Variants in LRRTM4 observed in about 807,000 individuals in gnomAD.
The protein encoded by LRRTM4 is leucine rich repeat transmembrane neuronal 4, also known as leucine-rich repeat transmembrane neuronal protein 4.
A neutral mutation model predicts 47.6 loss-of-function variants in LRRTM4; 25 were observed. The ratio of observed to expected loss-of-function variants is 0.53; its 90% CI spans 0.38 to 0.73. The LOEUF (loss-of-function observed/expected upper bound fraction) is 0.73. Among genes scored for constraint, LRRTM4 ranks in the 30% least tolerant of loss-of-function variants. The pLI, the probability that LRRTM4 is intolerant of heterozygous loss-of-function variation, is 0.00. For missense variants in LRRTM4, 638 were observed against 713.4 expected, an observed-to-expected ratio of 0.89 and a Z score of 1.20; for synonymous variants, 311 against 269.5, an observed-to-expected ratio of 1.15 and a Z score of -1.51.
intron 3 of LRRTM4, among the ~76,000 whole-genome samples, chr2:76,899,091 C>T (rs568398452): frequency 1.3e-5 from 2 of 151,978 alleles, no homozygotes; most frequent in South Asian, 2.1e-4. Context: ...TCTTATGTAA[C>T]TCCTTACATC....
intron 3 of LRRTM4, among the ~76,000 whole-genome samples, chr2:77,279,232 A>T (rs1289831130): frequency 1.3e-5 from 2 of 152,070 alleles, no homozygotes; most frequent in African/African-American, 4.8e-5. Context: ...CTTTCCGTGG[A>T]CCTACTAAAT....
intron 3 of LRRTM4, among the ~76,000 whole-genome samples, chr2:77,257,717 AACAC>A (rs57315997): frequency 0.086 from 12,695 of 146,838 alleles, 1,229 homozygotes; most frequent in African/African-American, 0.25. Flanking sequence ...TTAAAAATAC[AACAC>A]ACACACACAC....
chr2:77,081,459 T>TA (rs200124926), intron 3 of LRRTM4, among the ~76,000 whole-genome samples: 3 of 151,888 alleles, frequency 2.0e-5, no homozygotes, highest in Non-Finnish European at 4.4e-5. Flanking sequence ...GAAAATGAAA[T>TA]AAAAATCACT....
Position 77,362,115 on chromosome 2 carries a change from GAGAAAGAA to G in LRRTM4, c.1551+156195_1551+156202del, listed in dbSNP as rs1230993221. Among the ~76,000 whole-genome samples, 771 of 98,822 alleles carry G rather than the reference GAGAAAGAA, an allele frequency of 7.8e-3. 12 individuals carry two copies. The highest frequency in any genetic ancestry group is 0.013 in the African/African-American group (267 of 21,206). 64.8% of individuals were successfully genotyped at this position (98,822 alleles called of 152,430 possible). A position where few individuals can be genotyped will look rare whatever the true frequency, so the allele number is the denominator to read the frequency against. On this transcript the variant is annotated intron_variant, in intron 3 of 3. Coordinates refer to ENST00000409884, the MANE Select transcript of LRRTM4 (RefSeq NM_001134745.3). ...AAAAGGAAAAGGAAAGAAAGAAAGA[GAGAAAGAA>G]AGAAAGAAAGAAAGAAAGAAAGAAA...
chr2:77,500,184 C>A (rs747304949), intron 3 of LRRTM4, among the ~76,000 whole-genome samples: 4 of 151,616 alleles, frequency 2.6e-5, no homozygotes, highest in Non-Finnish European at 4.4e-5. Flanking sequence ...ACCAAATCAC[C>A]CACAGTAAGG....
intron 3 of LRRTM4, among the ~76,000 whole-genome samples, chr2:76,958,114 G>A (rs1208302852): frequency 6.6e-6 from 1 of 151,596 alleles, no homozygotes; most frequent in Non-Finnish European, 1.5e-5. Flanking sequence ...AAAATTCCAT[G>A]GAATACAACA....
At chr2:76,857,308 TAATA>T (rs2103994799) in intron 3 of LRRTM4, among the ~76,000 whole-genome samples, 2 of 148,088 alleles carry the variant, frequency 1.4e-5, no homozygotes, top group South Asian at 4.2e-4. Flanking sequence ...ACAGTATATA[TAATA>T]TATATATAAT....
Position 77,519,279 on chromosome 2 carries a change from G to C in LRRTM4, c.590C>G (p.Ser197Cys). Residue 197 changes from serine (S) to cysteine (C), a missense_variant, in exon 3 of 4, where the codon TCC becomes TGC. Physicochemically the swap from Ser to Cys is moderately radical, Grantham distance 112. Coordinates refer to ENST00000409884, the MANE Select transcript of LRRTM4 (RefSeq NM_001134745.3). This position sits in a 1 kb window ranked among gnomAD's most constrained non-coding sequence, Gnocchi z 4.6. ...CAAGAGGCCAGCAAATGCATTTCGGGACAAGCTTCGAAGACGATTGTAACC... is the reference window on the plus strand; with the variant it reads ...CAAGAGGCCAGCAAATGCATTTCGGCACAAGCTTCGAAGACGATTGTAACC... ...DLGYNRLRSLSRNAFAGLLKL... is the reference protein window; with the variant it reads ...DLGYNRLRSLCRNAFAGLLKL... 2 of 1,613,420 alleles carry C rather than the reference G, an allele frequency of 1.2e-6. No homozygotes were observed. The highest frequency in any genetic ancestry group is 1.7e-6 in the Non-Finnish European group (2 of 1,179,582).
At chr2:77,362,052 G>A (rs1453615128) in intron 3 of LRRTM4, among the ~76,000 whole-genome samples, 1 of 150,874 alleles carries the variant, frequency 6.6e-6, no homozygotes, top group East Asian at 2.0e-4. Context: ...TCACACCACT[G>A]CACTCCAGCC....
intron 3 of LRRTM4, among the ~76,000 whole-genome samples, chr2:77,113,918 C>CG (rs1558586758): frequency 6.6e-6 from 1 of 152,042 alleles, no homozygotes; most frequent in Non-Finnish European, 1.5e-5. Context: ...CTGTCCTATT[C>CG]GGGGCCGCGG....
chr2:77,161,023 G>A (rs1230049260), intron 3 of LRRTM4, among the ~76,000 whole-genome samples: 5 of 152,124 alleles, frequency 3.3e-5, no homozygotes, highest in Admixed American at 6.6e-5. Context: ...CTTAGATCAT[G>A]CAGACCCCCT....
intron 3 of LRRTM4, among the ~76,000 whole-genome samples, chr2:76,937,397 A>G (rs907073087): frequency 6.6e-6 from 1 of 152,168 alleles, no homozygotes; most frequent in African/African-American, 2.4e-5. Context: ...CAATGATGTG[A>G]TGGGAAATTG....
intron 3 of LRRTM4, among the ~76,000 whole-genome samples, chr2:76,932,976 A>G (rs1427781454): frequency 1.3e-5 from 2 of 152,152 alleles, no homozygotes; most frequent in African/African-American, 2.4e-5. Context: ...GTATGAAATG[A>G]TAAACTTTCA....
intron 3 of LRRTM4, among the ~76,000 whole-genome samples, chr2:77,389,392 A>C (rs1673414232): frequency 6.6e-6 from 1 of 152,134 alleles, no homozygotes; most frequent in South Asian, 2.1e-4. Context: ...CCAAAGATAA[A>C]GCTAAATAAG....
At chr2:76,770,208 T>C (rs915524756) in intron 3 of LRRTM4, among the ~76,000 whole-genome samples, 1 of 152,218 alleles carries the variant, frequency 6.6e-6, no homozygotes, top group Admixed American at 6.5e-5. Flanking sequence ...GGATTAATAA[T>C]ATAATACATG....
intron 3 of LRRTM4, chr2:77,517,977 A>C: frequency 9.7e-7 from 1 of 1,030,940 alleles, no homozygotes; most frequent in Non-Finnish European, 1.2e-6. Flanking sequence ...AACACCAAGA[A>C]CCAGACAGAA....
intron 3 of LRRTM4, among the ~76,000 whole-genome samples, chr2:77,075,902 G>C (rs12623624): frequency 1.2e-5 from 1 of 82,206 alleles, no homozygotes; most frequent in African/African-American, 6.0e-5. Flanking sequence ...GCGACAGAGC[G>C]AGACTCCGTC....
At chr2:76,777,353 A>G (rs1360614741) in intron 3 of LRRTM4, among the ~76,000 whole-genome samples, 1 of 141,772 alleles carries the variant, frequency 7.1e-6, no homozygotes, top group Non-Finnish European at 1.5e-5. Context: ...CTTGGGCAGT[A>G]TGGCCATTTT....
chr2:77,213,467 T>C (rs566594442), intron 3 of LRRTM4, among the ~76,000 whole-genome samples: 4 of 152,252 alleles, frequency 2.6e-5, no homozygotes, highest in South Asian at 2.1e-4. Context: ...TGATTAAGTA[T>C]ACATAAATAT....
Sources: gnomAD v4.1 joint callset for allele counts (sites outside exome capture counted in the v4.1 genomes callset) on GRCh38, gnomAD v4.1.1 for gene constraint, Gnocchi (gnomAD v3.1) non-coding constraint, MANE v1.5 for transcripts, NCBI Gene and HGNC (gene_info 2026-07-23, HGNC 2026-07-21) for gene names.